Variants in CTIF observed in about 807,000 individuals in gnomAD.
The protein encoded by CTIF is CBP80/20-dependent translation initiation factor.
CTIF carries 21 observed loss-of-function variants against 66.0 expected under a neutral mutation model. The ratio of observed to expected loss-of-function variants is 0.32; its 90% CI spans 0.23 to 0.46. The LOEUF (loss-of-function observed/expected upper bound fraction) is 0.46. Ranked by LOEUF, CTIF falls within the 20% of genes least tolerant of loss-of-function variation. The pLI, the probability that CTIF is intolerant of heterozygous loss-of-function variation, is 1.00. For synonymous variants in CTIF, 345 were observed against 326.4 expected (o/e 1.06, Z -0.62); for missense variants, 739 against 812.7 (o/e 0.91, Z 1.10).
chr18:48,816,705 C>T (rs1038461418), intron 9 of CTIF, among the ~76,000 whole-genome samples: 5 of 152,212 alleles, frequency 3.3e-5, no homozygotes, highest in African/African-American at 1.2e-4. Flanking sequence ...CCTCGAGGGA[C>T]GGGCTGTAGC....
At chr18:48,621,477 C>G (rs552959544) in intron 2 of CTIF, 1 of 319,026 alleles carries the variant, frequency 3.1e-6, no homozygotes, top group Admixed American at 4.7e-5. Flanking sequence ...TCAGGAGGTG[C>G]GAGTCCTGAG....
chr18:48,622,012 A>C (rs1374999169), intron 2 of CTIF, among the ~76,000 whole-genome samples: 2 of 152,196 alleles, frequency 1.3e-5, no homozygotes, highest in Non-Finnish European at 2.9e-5. Context: ...GTTTCTCTCC[A>C]GCGGCTTGCG....
intron 7 of CTIF, among the ~76,000 whole-genome samples, chr18:48,728,892 T>G (rs2092411408): frequency 6.6e-6 from 1 of 152,144 alleles, no homozygotes; most frequent in Non-Finnish European, 1.5e-5. Flanking sequence ...AGAGTTTGAG[T>G]GTCAGGAGGT....
intron 6 of CTIF, among the ~76,000 whole-genome samples, chr18:48,672,492 C>T (rs1189143668): frequency 2.6e-5 from 4 of 152,138 alleles, no homozygotes; most frequent in Admixed American, 2.6e-4. Flanking sequence ...ATTGTGCATC[C>T]AGCTGAAGGC....
chr18:48,742,723 C>T (rs1045715743), intron 7 of CTIF, among the ~76,000 whole-genome samples: 13 of 152,354 alleles, frequency 8.5e-5, no homozygotes, highest in African/African-American at 1.2e-4. Context: ...GGACAGTAAG[C>T]ACCTTGCCCA....
intron 1 of CTIF, among the ~76,000 whole-genome samples, chr18:48,579,876 G>A (rs1196408118): frequency 6.6e-6 from 1 of 152,196 alleles, no homozygotes; most frequent in African/African-American, 2.4e-5. Context: ...CCCAAATCAG[G>A]TGTAAACTTT....
intron 1 of CTIF, among the ~76,000 whole-genome samples, chr18:48,590,351 C>A (rs1172745111): frequency 6.6e-6 from 1 of 151,250 alleles, no homozygotes; most frequent in Non-Finnish European, 1.5e-5. Flanking sequence ...CCTTGCTGGG[C>A]CTGCCCGGAA....
intron 7 of CTIF, among the ~76,000 whole-genome samples, chr18:48,727,776 G>T (rs568226914): frequency 1.1e-3 from 173 of 152,262 alleles, no homozygotes; most frequent in African/African-American, 3.9e-3. Context: ...AGGCAGCACC[G>T]CTGAACTTTC....
chr18:48,695,547 C>T (rs922674337), intron 6 of CTIF, among the ~76,000 whole-genome samples: 1 of 152,208 alleles, frequency 6.6e-6, no homozygotes, highest in Non-Finnish European at 1.5e-5. Flanking sequence ...AGTTCCATTG[C>T]TTACTTGCTG....
chr18:48,655,436 G>A (rs1462244818), intron 3 of CTIF, among the ~76,000 whole-genome samples: 1 of 152,118 alleles, frequency 6.6e-6, no homozygotes, highest in Non-Finnish European at 1.5e-5. Context: ...CTGTCCCACA[G>A]CTAGCTCCCC....
chr18:48,851,953 G>A (rs748268880), intron 10 of CTIF, among the ~76,000 whole-genome samples: 6 of 152,126 alleles, frequency 3.9e-5, no homozygotes, highest in Non-Finnish European at 7.4e-5. Flanking sequence ...TCCAGCCTAG[G>A]TGGGGTGGTT....
intron 9 of CTIF, among the ~76,000 whole-genome samples, chr18:48,790,062 C>G (rs1299236745): frequency 6.6e-6 from 1 of 152,224 alleles, no homozygotes. Context: ...AGGAGCTAAC[C>G]CATGTTAGCC....
chr18:48,580,549 GTTT>G, intron 1 of CTIF, among the ~76,000 whole-genome samples: 1 of 152,182 alleles, frequency 6.6e-6, no homozygotes, highest in African/African-American at 2.4e-5. Flanking sequence ...ACATCCTGAA[GTTT>G]AACTTAACCT....
At chr18:48,630,879 G>A (rs183643267) in intron 2 of CTIF, among the ~76,000 whole-genome samples, 247 of 151,948 alleles carry the variant, frequency 1.6e-3, no homozygotes, top group African/African-American at 5.5e-3. Context: ...GGGTTTCACC[G>A]TGTTAGCCAG....
At position 48,761,829 on chromosome 18, in the gene CTIF, A is replaced by C; in HGVS notation, c.1371+140A>C. The C allele has an allele frequency of 1.2e-6, 1 of 862,304 alleles. No homozygotes were observed. Among genetic ancestry groups the C allele is most frequent in the Middle Eastern group, 3.6e-4 (1 of 2,782 alleles). The allele number at this position is 862,304 out of a possible 1,614,324, so 53.4% of individuals were successfully genotyped here. On this transcript the variant is annotated intron_variant, in intron 9 of 11. Coordinates refer to ENST00000256413, the MANE Select transcript of CTIF (RefSeq NM_014772.3). This position sits in a 1 kb window ranked among gnomAD's most constrained non-coding sequence, Gnocchi z 4.2. ...GCCCTTGCCCGATTAATTATAGAAA[A>C]CACAAAGGCAGTTAAGGGGCCAGGA... is the stretch of plus-strand genomic sequence containing the variant.
chr18:48,788,192 C>T (rs1911889778), intron 9 of CTIF, among the ~76,000 whole-genome samples: 1 of 152,114 alleles, frequency 6.6e-6, no homozygotes, highest in South Asian at 2.1e-4. Flanking sequence ...TTGTCTCTTT[C>T]CCAGAAGAGG....
chr18:48,647,265 G>A (rs2091058946), intron 3 of CTIF, among the ~76,000 whole-genome samples: 1 of 152,216 alleles, frequency 6.6e-6, no homozygotes, highest in Non-Finnish European at 1.5e-5. Context: ...ATAGAAACGG[G>A]GAAGAGGTTT....
chr18:48,785,195 C>G (rs1911596105), intron 9 of CTIF, among the ~76,000 whole-genome samples: 1 of 152,186 alleles, frequency 6.6e-6, no homozygotes, highest in Non-Finnish European at 1.5e-5. Context: ...CCTTCCCTCT[C>G]TTTCTTTCAT....
At chr18:48,771,075 G>GACC (rs1348006695) in intron 9 of CTIF, among the ~76,000 whole-genome samples, 3 of 152,142 alleles carry the variant, frequency 2.0e-5, no homozygotes, top group Admixed American at 2.0e-4. Context: ...CTGGGCGGTG[G>GACC]GCCCAGGATT....
Sources: allele counts gnomAD v4.1 joint callset (sites outside exome capture counted in the v4.1 genomes callset), GRCh38; gene constraint gnomAD v4.1.1; non-coding constraint Gnocchi (gnomAD v3.1); transcripts MANE v1.5; gene names NCBI Gene and HGNC (gene_info 2026-07-23, HGNC 2026-07-21).